ZFYVE26: variants seen among roughly 807,000 people sequenced by gnomAD.
The protein encoded by ZFYVE26 is zinc finger FYVE domain-containing protein 26.
Under a neutral mutation model 276.5 loss-of-function variants are expected in ZFYVE26, and 181 were observed. The observed-to-expected ratio is 0.65, with a 90% CI of 0.58 to 0.74. The LOEUF (loss-of-function observed/expected upper bound fraction) is 0.74, where lower values mean the gene tolerates loss of function less well. Ranked by LOEUF, ZFYVE26 falls within the 30% of genes least tolerant of loss-of-function variation. ZFYVE26 has a pLI of 0.00. For synonymous variants in ZFYVE26, 1,129 were observed against 1,203.1 expected (o/e 0.94, Z 1.27); for missense variants, 2,821 against 3,097.9 (o/e 0.91, Z 2.12).
chr14:67,798,472 T>A lies in ZFYVE26; in HGVS notation c.1790A>T (p.Glu597Val). The A allele has an allele frequency of 6.2e-7, 1 of 1,614,166 alleles. No homozygotes were observed. ...ADLHPEPHLP[E>V]DYAEDDDIEG... Reference sequence around the variant, plus strand: ...AATGTCATCATCCTCAGCATAGTCCTCAGGCAAGTGAGGCTCTGGGTGAAG... The same window carrying A: ...AATGTCATCATCCTCAGCATAGTCCACAGGCAAGTGAGGCTCTGGGTGAAG... Residue 597 changes from glutamate (E) to valine (V), a missense_variant, in exon 11 of 42, where the codon GAG becomes GTG. Physicochemically the swap from Glu to Val is moderately radical, Grantham distance 121. Coordinates refer to ENST00000347230, the MANE Select transcript of ZFYVE26 (RefSeq NM_015346.4).
intron 16 of ZFYVE26, among the ~76,000 whole-genome samples, chr14:67,788,608 T>C (rs950284801): frequency 2.0e-5 from 3 of 152,218 alleles, no homozygotes; most frequent in Non-Finnish European, 4.4e-5. Flanking sequence ...TTTTTCTTTG[T>C]ATCCATTTGC....
chr14:67,734,457 T>C (rs944800660), intron 13 of ZFYVE26: 1 of 155,252 alleles, frequency 6.4e-6, no homozygotes, highest in Admixed American at 6.3e-5. Flanking sequence ...TCTCATTGTC[T>C]TATTTATTTT....
At chr14:67,764,184 G>A (rs2039001315) in intron 32 of ZFYVE26, among the ~76,000 whole-genome samples, 1 of 152,192 alleles carries the variant, frequency 6.6e-6, no homozygotes, top group Non-Finnish European at 1.5e-5. Flanking sequence ...TACACTCAAG[G>A]TTCCTGAATC....
chr14:67,749,306 A>G (rs1391640273), intron 41 of ZFYVE26, among the ~76,000 whole-genome samples: 1 of 152,174 alleles, frequency 6.6e-6, no homozygotes, highest in East Asian at 1.9e-4. Context: ...GATTGGAAAA[A>G]GTCGAATTAA....
intron 28 of ZFYVE26, chr14:67,769,933 G>A (rs968808631): frequency 1.5e-6 from 1 of 673,770 alleles, no homozygotes; most frequent in Admixed American, 2.5e-5. Flanking sequence ...ATGGGCAAAG[G>A]TGCGAAGTCA....
intron 12 of ZFYVE26, 93 bp from the exon 13 acceptor site, chr14:67,794,332 T>G: frequency 2.0e-5 from 24 of 1,195,812 alleles, no homozygotes; most frequent in Non-Finnish European, 2.8e-5. Flanking sequence ...ATCTGTGTAG[T>G]TAGAGACAGA....
chr14:67,790,427 A>G (rs1217279715), intron 15 of ZFYVE26, 145 bp downstream of exon 15: 1 of 849,008 alleles, frequency 1.2e-6, no homozygotes, highest in African/African-American at 1.7e-5. Flanking sequence ...AACTGGACGT[A>G]TCAGGTTTGC....
At position 67,798,279 on chromosome 14, in the gene ZFYVE26, A is replaced by G. The variant is rs892896927; in HGVS notation, c.1983T>C (p.His661=). The G allele has an allele frequency of 3.1e-6, 5 of 1,614,240 alleles. No individual in the cohort carries two copies. Among genetic ancestry groups the G allele is most frequent in the South Asian group, 1.1e-5 (1 of 91,086 alleles). Residue 661 remains histidine (H), a synonymous_variant, in exon 11 of 42, where the codon CAT becomes CAC. Transcript: ENST00000347230. ...AEPKDSYPGP[H]RHSFLDLKHF... is the part of the protein sequence containing the mutation. ...GTTTTAAGTCCAAAAAGCTGTGCCTATGAGGCCCTGGGTAACTGTCTTTTG... is the reference window on the plus strand; with the variant it reads ...GTTTTAAGTCCAAAAAGCTGTGCCTGTGAGGCCCTGGGTAACTGTCTTTTG...
rs142041405 is a variant in ZFYVE26, at chr14:67,794,233, C to T, written c.2339G>A (p.Arg780Gln). The T allele has an allele frequency of 4.9e-5, 79 of 1,614,078 alleles. No individual in the cohort carries two copies. In the African/African-American group the frequency reaches 5.1e-4, roughly 10 times the overall value. Reference protein sequence around the residue: ...RRTRRSQADGRDRGSNPSLES... With the variant: ...RRTRRSQADGQDRGSNPSLES... ...CAGGGATGGGTTTGAACCTCTGTCTCGGCCATCTACAGGTATTGGGAAGAA... is the reference window on the plus strand; with the variant it reads ...CAGGGATGGGTTTGAACCTCTGTCTTGGCCATCTACAGGTATTGGGAAGAA... The change falls in exon 13 of 42, where the codon CGA (arginine) becomes CAA (glutamine). Residue 780 changes from arginine to glutamine, a missense_variant. Physicochemically the swap from Arg to Gln is conservative, Grantham distance 43 (BLOSUM62 1). Transcript: ENST00000347230.
At chr14:67,737,289 C>T (rs1319263902) in intron 13 of ZFYVE26, among the ~76,000 whole-genome samples, 1 of 151,840 alleles carries the variant, frequency 6.6e-6, no homozygotes, top group Non-Finnish European at 1.5e-5. Context: ...AAAGATCCTA[C>T]CCAAGACCGG....
exon 14 of ZFYVE26, chr14:67,729,496 G>C: frequency 9.9e-7 from 1 of 1,008,394 alleles, no homozygotes; most frequent in Non-Finnish European, 1.5e-6. Context: ...TCCAGGTTTG[G>C]GTTGGGCCTG....
chr14:67,784,470 C>T, intron 19 of ZFYVE26, 34 bp from the exon 20 acceptor site: 1 of 1,580,632 alleles, frequency 6.3e-7, no homozygotes, highest in Non-Finnish European at 8.7e-7. Context: ...TTTGTTTGCA[C>T]CACTGACTGC....
intron 39 of ZFYVE26, among the ~76,000 whole-genome samples, chr14:67,752,979 G>A (rs1370904214): frequency 6.6e-6 from 1 of 152,170 alleles, no homozygotes; most frequent in Non-Finnish European, 1.5e-5. Flanking sequence ...TGGTCTAGGA[G>A]AACCCTTATG....
rs201633671 is a variant in ZFYVE26 at position 67,815,883 on chromosome 14, T to A, written c.81A>T (p.Gly27=). 75 of 1,614,048 alleles carry A rather than the reference T, an allele frequency of 4.6e-5. No homozygotes were observed. The highest frequency in any genetic ancestry group is 6.2e-5 in the Non-Finnish European group (73 of 1,180,028). ...FGFFCECLRR[G]EWELAQACVP... The stretch of plus-strand genomic sequence containing the variant: ...CACATGCCTGTGCCAGCTCCCATTC[T>A]CCCCTCCGCAGGCATTCGCAGAAAA... The change falls in exon 2 of 42, where the codon GGA becomes GGT. Residue 27 remains glycine (G), a synonymous_variant. Coordinates refer to ENST00000347230, the MANE Select transcript of ZFYVE26 (RefSeq NM_015346.4).
chr14:67,757,366 T>C (rs1415677395), intron 35 of ZFYVE26, among the ~76,000 whole-genome samples: 1 of 152,238 alleles, frequency 6.6e-6, no homozygotes, highest in Non-Finnish European at 1.5e-5. Context: ...TGACTTTATC[T>C]GATAGTACCC....
At chr14:67,806,405 G>T in intron 6 of ZFYVE26, 140 bp downstream of exon 6, 1 of 1,007,776 alleles carries the variant, frequency 9.9e-7, no homozygotes, top group Non-Finnish European at 1.5e-6. Flanking sequence ...CCATGGGACT[G>T]TGGGAGGGAC....
At chr14:67,767,924 G>C (rs1161761342) in intron 30 of ZFYVE26, 84 bp from the exon 31 acceptor site, 2 of 1,584,972 alleles carry the variant, frequency 1.3e-6, no homozygotes, top group Non-Finnish European at 1.7e-6. Context: ...ATGAGTTGCA[G>C]GTAGACACTT....
Position 67,769,598 on chromosome 14 carries a change from T to C in ZFYVE26, c.5617A>G (p.Lys1873Glu), listed in dbSNP as rs1566873345. 1 of 1,613,958 alleles carries C rather than the reference T, an allele frequency of 6.2e-7. No individual in the cohort carries two copies. ...GCCCTGCTGTAGGACACTCACTCTT[T>C]GTTGCAGTAACTATAGCACTGATCA... Reference protein sequence around the residue: ...VCDQCYSYCNKDVPEEPSEKP... With the variant: ...VCDQCYSYCNEDVPEEPSEKP... Residue 1873 changes from lysine to glutamate, a missense_variant, in exon 29 of 42, where the codon AAA (lysine) becomes GAA (glutamate). Coordinates refer to ENST00000347230, the MANE Select transcript of ZFYVE26 (RefSeq NM_015346.4).
rs765445865 is a variant in ZFYVE26, at chr14:67,784,379, T to C, written c.3581A>G (p.Gln1194Arg). The C allele has an allele frequency of 1.9e-6, 3 of 1,613,984 alleles. No homozygotes were observed. The highest frequency in any genetic ancestry group is 2.5e-6 in the Non-Finnish European group (3 of 1,179,956). ...PFVLLQQSSS[Q>R]LVSHLLFERQ... Reference sequence around the variant, plus strand: ...CTCAAACAGGAGATGTGACACCAGTTGGGAAGAGCTCTGTTGCAGCAGAAC... The same window carrying C: ...CTCAAACAGGAGATGTGACACCAGTCGGGAAGAGCTCTGTTGCAGCAGAAC... Residue 1194 changes from glutamine to arginine, a missense_variant, in exon 20 of 42, where the codon CAA (glutamine) becomes CGA (arginine). By Grantham distance (43) the Gln-to-Arg change is conservative (BLOSUM62 1). Coordinates refer to ENST00000347230, the MANE Select transcript of ZFYVE26 (RefSeq NM_015346.4).
Sources: allele counts gnomAD v4.1 joint callset (sites outside exome capture counted in the v4.1 genomes callset), GRCh38; gene constraint gnomAD v4.1.1; transcripts MANE v1.5; gene names NCBI Gene and HGNC (gene_info 2026-07-23, HGNC 2026-07-21).